The following SAMD5 variants were observed in gnomAD, a reference collection of about 807,000 sequenced individuals.
SAMD5 encodes sterile alpha motif domain containing 5.
Under a neutral mutation model 11.3 loss-of-function variants are expected in SAMD5, and 13 were observed. The observed-to-expected ratio is 1.15, with a 90% CI of 0.75 to 1.83. SAMD5 has a LOEUF of 1.83. Among genes scored for constraint, SAMD5 ranks in the 40% most tolerant of loss-of-function variants. The pLI is 0.00. For synonymous variants in SAMD5, 129 were observed against 111.3 expected, an observed-to-expected ratio of 1.16 and a Z score of -1.00; for missense variants, 255 against 239.1, an observed-to-expected ratio of 1.07 and a Z score of -0.44.
At chr6:147,549,419 G>A (rs188600543) in intron 1 of SAMD5, among the ~76,000 whole-genome samples, 107 of 152,312 alleles carry the variant, frequency 7.0e-4, no homozygotes, top group African/African-American at 2.5e-3. Flanking sequence ...AACAGGAAGT[G>A]CAAGGATATT....
the SAMD5 span, among the ~76,000 whole-genome samples, chr6:147,827,965 T>C: frequency 7.1e-6 from 1 of 141,794 alleles, no homozygotes; most frequent in South Asian, 2.2e-4. Flanking sequence ...AATTTTTCTG[T>C]ATTTTTTTTT....
chr6:147,870,388 T>A, the SAMD5 span, among the ~76,000 whole-genome samples: 1 of 151,894 alleles, frequency 6.6e-6, no homozygotes, highest in Non-Finnish European at 1.5e-5. Context: ...AGGTTGCTCT[T>A]TTCTATGCCA....
At chr6:147,535,413 T>C (rs1788493503) in intron 1 of SAMD5, among the ~76,000 whole-genome samples, 1 of 152,234 alleles carries the variant, frequency 6.6e-6, no homozygotes, top group Admixed American at 6.5e-5. Context: ...AAACATTAGT[T>C]TGGGGATTTT....
the SAMD5 span, among the ~76,000 whole-genome samples, chr6:147,828,231 T>C: frequency 6.6e-6 from 1 of 152,196 alleles, no homozygotes; most frequent in Non-Finnish European, 1.5e-5. Context: ...AAGTGGACCA[T>C]ACAAATTCTT....
the SAMD5 span, among the ~76,000 whole-genome samples, chr6:147,758,259 T>A: frequency 1.3e-5 from 2 of 152,228 alleles, no homozygotes; most frequent in Admixed American, 6.5e-5. Flanking sequence ...ATCACTGTCA[T>A]GATCCATACA....
chr6:147,895,943 A>G, the SAMD5 span, among the ~76,000 whole-genome samples: 1 of 152,200 alleles, frequency 6.6e-6, no homozygotes, highest in Non-Finnish European at 1.5e-5. Context: ...GGAAATTGGA[A>G]GAGACAGCTG....
At chr6:147,730,074 C>CTAAAAAAA in intron 1 of SAMD5, 1 of 305,112 alleles carries the variant, frequency 3.3e-6, no homozygotes, top group Non-Finnish European at 6.0e-6. Context: ...GACTCTGTCT[C>CTAAAAAAA]AAAAAAAAAA....
the SAMD5 span, among the ~76,000 whole-genome samples, chr6:147,828,844 GA>G: frequency 6.6e-6 from 1 of 152,144 alleles, no homozygotes; most frequent in Non-Finnish European, 1.5e-5. Flanking sequence ...AAGTTCAAGG[GA>G]AGATAACAGC....
chr6:147,927,223 A>C, the SAMD5 span, among the ~76,000 whole-genome samples: 2 of 152,196 alleles, frequency 1.3e-5, no homozygotes, highest in Non-Finnish European at 2.9e-5. Context: ...GTTTGATGGG[A>C]ATAGCATTGA....
rs1260317613 is a variant in SAMD5 at position 147,565,896 on chromosome 6, A to C, written c.*1440A>C. 1.0e-6 allele frequency: 1 copy of C among 985,446 alleles called. No individual in the cohort carries two copies. The highest frequency in any genetic ancestry group is 1.1e-4 in the East Asian group (1 of 8,804). The allele number at this position is 985,446 out of a possible 1,614,324, so 61.0% of individuals were successfully genotyped here. On this transcript the variant is annotated 3_prime_UTR_variant, in exon 2 of 2. Coordinates refer to ENST00000367474, the MANE Select transcript of SAMD5 (RefSeq NM_001030060.3). Reference sequence around the variant, plus strand: ...AGGCTGTCAATTGTTTAGAGCTCCCAAGTAGTACTGCATTACGGAATCTAC... The same window carrying C: ...AGGCTGTCAATTGTTTAGAGCTCCCCAGTAGTACTGCATTACGGAATCTAC...
chr6:147,580,869 T>C (rs1789288067), intron 1 of SAMD5, among the ~76,000 whole-genome samples: 1 of 152,066 alleles, frequency 6.6e-6, no homozygotes, highest in Non-Finnish European at 1.5e-5. Flanking sequence ...TAGTAGAGAA[T>C]GTCACTCTTT....
the SAMD5 span, among the ~76,000 whole-genome samples, chr6:147,904,895 T>C: frequency 6.6e-6 from 1 of 151,764 alleles, no homozygotes; most frequent in Non-Finnish European, 1.5e-5. Context: ...TTATGCCTTT[T>C]TTTTTTTTTT....
At chr6:147,647,368 A>T (rs1562342296) in intron 1 of SAMD5, among the ~76,000 whole-genome samples, 1 of 151,900 alleles carries the variant, frequency 6.6e-6, no homozygotes, top group Non-Finnish European at 1.5e-5. Flanking sequence ...TTCTGGTTTA[A>T]TTAATTGTGC....
chr6:147,624,958 T>C lies in SAMD5; in HGVS notation c.163-112359T>C, dbSNP rs371971423. Reference sequence around the variant, plus strand: ...GCAAGAAGTGCTTGAGTTTTTAAAATTAAAACAAACAATAAAATAAAAACT... The same window carrying C: ...GCAAGAAGTGCTTGAGTTTTTAAAACTAAAACAAACAATAAAATAAAAACT... On this transcript the variant is annotated intron_variant, in intron 1 of 1. Transcript: ENST00000566741. Among the ~76,000 whole-genome samples the C allele has an allele frequency of 8.5e-5, 13 of 152,236 alleles. No individual in the cohort carries two copies. The East Asian group carries it at 2.3e-3, about 27-fold the overall frequency.
rs142895212 is a variant in SAMD5, at chr6:147,590,690, T to TGTGA, written c.162+81305_162+81308dup. Among the ~76,000 whole-genome samples the TGTGA allele has an allele frequency of 3.2e-3, 484 of 152,280 alleles. 4 individuals are homozygous for TGTGA. Among genetic ancestry groups the TGTGA allele is most frequent in the Middle Eastern group, 6.8e-3 (2 of 294 alleles). On this transcript the variant is annotated intron_variant, in intron 1 of 1. Coordinates refer to the SAMD5 transcript ENST00000566741. ...AGCCTCCCAGTGCTGGGATTACAAG[T>TGTGA]GTGAGCCACTGCGCCTGGCCTCAGT...
the SAMD5 span, among the ~76,000 whole-genome samples, chr6:147,830,503 G>A: frequency 1.3e-4 from 20 of 151,816 alleles, no homozygotes; most frequent in East Asian, 2.7e-3. Flanking sequence ...ATGATCCGCC[G>A]CCTCAGCCTC....
chr6:147,884,217 G>A, the SAMD5 span, among the ~76,000 whole-genome samples: 1 of 152,264 alleles, frequency 6.6e-6, no homozygotes, highest in Non-Finnish European at 1.5e-5. Flanking sequence ...AAAGAGAACT[G>A]ATAGGGTACC....
At chr6:147,907,619 T>G in the SAMD5 span, among the ~76,000 whole-genome samples, 5 of 152,196 alleles carry the variant, frequency 3.3e-5, no homozygotes, top group Admixed American at 1.3e-4. Context: ...AGGTGACCAC[T>G]GGTCTGAGAC....
intron 1 of SAMD5, among the ~76,000 whole-genome samples, chr6:147,561,781 G>A (rs1788954585): frequency 1.3e-5 from 2 of 152,148 alleles, no homozygotes; most frequent in African/African-American, 4.8e-5. Context: ...TCCACTTGAA[G>A]AGTGAGATCT....
Sources: gnomAD v4.1 joint callset for allele counts (sites outside exome capture counted in the v4.1 genomes callset) on GRCh38, gnomAD v4.1.1 for gene constraint, MANE v1.5 for transcripts, NCBI Gene and HGNC (gene_info 2026-07-23, HGNC 2026-07-21) for gene names.